NAV3: variants seen among roughly 807,000 people sequenced by gnomAD.
The protein encoded by NAV3 is neuron navigator 3, also known as pore membrane and/or filament interacting like protein 1.
A neutral mutation model predicts 244.7 loss-of-function variants in NAV3; 87 were observed. The ratio of observed to expected loss-of-function variants is 0.36; its 90% CI spans 0.30 to 0.42. NAV3 has a LOEUF of 0.42. Ranked by LOEUF, NAV3 falls within the 20% of genes least tolerant of loss-of-function variation. The pLI is 1.00. For synonymous variants in NAV3, 1,126 were observed against 1,042.2 expected, an observed-to-expected ratio of 1.08 and a Z score of -1.55; for missense variants, 2,663 against 2,893.3, an observed-to-expected ratio of 0.92 and a Z score of 1.83.
rs112273658 is a variant in NAV3 at position 78,143,624 on chromosome 12, CAG to C, written c.4684-2743_4684-2742del. 2.1e-3 allele frequency among the ~76,000 whole-genome samples: 197 copies of C among 92,650 alleles called. 4 individuals are homozygous for C. The highest frequency in any genetic ancestry group is 7.2e-3 in the Middle Eastern group (1 of 138). The allele number at this position is 92,650 out of a possible 152,430, so 60.8% of individuals were successfully genotyped here. On this transcript the variant is annotated intron_variant, in intron 20 of 39. Transcript: ENST00000397909. ...TGGGCGACAAAGCCAAACACTGTCT[CAG>C]AAAAAAAAAAAAAAAAAAGGAAAAG...
intron 1 of NAV3, among the ~76,000 whole-genome samples, chr12:77,883,598 AT>A (rs1031349484): frequency 6.6e-6 from 1 of 152,122 alleles, no homozygotes; most frequent in East Asian, 1.9e-4. Flanking sequence ...TAAAAGTTGA[AT>A]TTTTTGAAAA....
At chr12:77,671,918 ACT>A (rs1255713921) in intron 2 of NAV3, among the ~76,000 whole-genome samples, 1 of 152,144 alleles carries the variant, frequency 6.6e-6, no homozygotes, top group African/African-American at 2.4e-5. Flanking sequence ...TAGAACTTAA[ACT>A]AAAAAGCTTC....
intron 12 of NAV3, among the ~76,000 whole-genome samples, chr12:78,071,063 T>C (rs370411573): frequency 6.6e-6 from 1 of 151,828 alleles, no homozygotes; most frequent in East Asian, 1.9e-4. Flanking sequence ...TTTGGGTATA[T>C]ACCCAGTAAT....
intron 1 of NAV3, 146 bp downstream of exon 1, chr12:77,831,850 T>C: frequency 1.1e-6 from 1 of 937,724 alleles, no homozygotes; most frequent in South Asian, 2.0e-5. Flanking sequence ...AAAAGCTGAA[T>C]ATTTAGCTTA....
At chr12:78,077,833 AG>A (rs1374536656) in intron 12 of NAV3, among the ~76,000 whole-genome samples, 1 of 152,154 alleles carries the variant, frequency 6.6e-6, no homozygotes, top group Non-Finnish European at 1.5e-5. Context: ...AGCTACCTGG[AG>A]GGCTGAGGCA....
chr12:77,752,412 C>T (rs925895210), intron 2 of NAV3, among the ~76,000 whole-genome samples: 14 of 152,054 alleles, frequency 9.2e-5, no homozygotes, highest in African/African-American at 2.7e-4. Flanking sequence ...AGGGTTGGCA[C>T]GGCTATTAAC....
At chr12:77,732,724 A>G (rs149259583) in intron 2 of NAV3, among the ~76,000 whole-genome samples, 91 of 152,166 alleles carry the variant, frequency 6.0e-4, no homozygotes, top group Non-Finnish European at 1.0e-3. Context: ...GCAAGTGAGC[A>G]GTGAAGCTGA....
At chr12:77,747,995 G>T (rs1411146952) in intron 2 of NAV3, among the ~76,000 whole-genome samples, 1 of 152,028 alleles carries the variant, frequency 6.6e-6, no homozygotes, top group African/African-American at 2.4e-5. Context: ...TAACAAACCT[G>T]CACGTTGTGC....
Position 77,974,531 on chromosome 12 carries a change from C to T in NAV3, c.671+5829C>T, listed in dbSNP as rs1382011699. 4.6e-5 allele frequency among the ~76,000 whole-genome samples: 7 copies of T among 152,146 alleles called. No homozygotes were observed. In the East Asian group the frequency reaches 1.4e-3, roughly 29 times the overall value. On this transcript the variant is annotated intron_variant, in intron 5 of 39. Transcript: ENST00000397909. ...CATGGTGGTCTCAAGCTCCTAGCCT[C>T]AGATGATCTGCCCGCCTCAGCCTCC...
At chr12:77,845,702 G>A (rs1876510864) in intron 1 of NAV3, among the ~76,000 whole-genome samples, 1 of 141,808 alleles carries the variant, frequency 7.1e-6, no homozygotes, top group Non-Finnish European at 1.5e-5. Context: ...TGCCCAGACT[G>A]GAGTGCAATG....
At chr12:77,954,846 T>A (rs1462393934) in intron 3 of NAV3, among the ~76,000 whole-genome samples, 5 of 152,218 alleles carry the variant, frequency 3.3e-5, no homozygotes, top group African/African-American at 1.2e-4. Context: ...TTTGTGAAAT[T>A]TTTATTACTA....
chr12:77,940,891 A>G (rs1389186049), intron 2 of NAV3, among the ~76,000 whole-genome samples, 190 bp from the exon 3 acceptor site: 1 of 151,398 alleles, frequency 6.6e-6, no homozygotes, highest in African/African-American at 2.4e-5. Context: ...TTTTTGCCTG[A>G]TTTGTGCATA....
chr12:78,200,853 G>T (rs1183049489), intron 38 of NAV3, among the ~76,000 whole-genome samples: 2 of 151,648 alleles, frequency 1.3e-5, no homozygotes, highest in Non-Finnish European at 2.9e-5. Context: ...ATGTTTACAG[G>T]TTGTTTTTAT....
At chr12:77,872,137 GT>G (rs922143411) in intron 1 of NAV3, among the ~76,000 whole-genome samples, 2 of 151,552 alleles carry the variant, frequency 1.3e-5, no homozygotes, top group Admixed American at 6.6e-5. Flanking sequence ...ATGGGGTTGT[GT>G]TTTTTTTCTT....
intron 1 of NAV3, among the ~76,000 whole-genome samples, chr12:77,888,229 T>C (rs1015736420): frequency 2.0e-5 from 3 of 152,240 alleles, no homozygotes; most frequent in African/African-American, 7.2e-5. Context: ...TGGTGGCTCA[T>C]GCCTGTAATC....
chr12:78,153,010 C>T (rs1267393773), intron 22 of NAV3, among the ~76,000 whole-genome samples: 1 of 151,982 alleles, frequency 6.6e-6, no homozygotes. Flanking sequence ...ATCAGATATT[C>T]ATCTTTACTC....
intron 23 of NAV3, among the ~76,000 whole-genome samples, chr12:78,159,900 G>T (rs184828754): frequency 6.6e-6 from 1 of 152,166 alleles, no homozygotes; most frequent in African/African-American, 2.4e-5. Context: ...GGGGCAAACT[G>T]TTATGCAGTT....
At chr12:77,868,339 CTATTT>C (rs1389919627) in intron 1 of NAV3, among the ~76,000 whole-genome samples, 1 of 151,938 alleles carries the variant, frequency 6.6e-6, no homozygotes, top group African/African-American at 2.4e-5. Context: ...GTATGTTATT[CTATTT>C]TATCTTATTT....
chr12:77,921,266 G>T (rs566665126), intron 1 of NAV3, among the ~76,000 whole-genome samples: 9 of 152,096 alleles, frequency 5.9e-5, no homozygotes, highest in African/African-American at 1.2e-4. Context: ...TTTTAACTTG[G>T]AATTTTTGAG....
Sources: gnomAD v4.1 joint callset for allele counts (sites outside exome capture counted in the v4.1 genomes callset) on GRCh38, gnomAD v4.1.1 for gene constraint, MANE v1.5 for transcripts, NCBI Gene and HGNC (gene_info 2026-07-23, HGNC 2026-07-21) for gene names.